Variants in GPN2 observed in about 807,000 individuals in gnomAD.
GPN2 encodes the protein GPN-loop GTPase 2, also known as ATP-binding domain 1 family member B.
A neutral mutation model predicts 30.1 loss-of-function variants in GPN2; 27 were observed. That is an observed-to-expected ratio of 0.90 (90% CI 0.66 to 1.24). The LOEUF (loss-of-function observed/expected upper bound fraction) is 1.24, where lower values mean the gene tolerates loss of function less well. GPN2 is among the 50% of genes most tolerant of loss of function. The pLI, the probability that GPN2 is intolerant of heterozygous loss-of-function variation, is 0.00. For missense variants in GPN2, 406 were observed against 405.4 expected (o/e 1.00, Z -0.01); for synonymous variants, 212 against 174.4 (o/e 1.22, Z -1.70).
chr1:26,880,604 C>T (rs2124292016), intron 4 of GPN2, among the ~76,000 whole-genome samples: 1 of 152,148 alleles, frequency 6.6e-6, no homozygotes, highest in East Asian at 1.9e-4. Context: ...AGCCACCACG[C>T]CTGGCCAAAA....
intron 4 of GPN2, among the ~76,000 whole-genome samples, chr1:26,880,623 T>C (rs2081859699): frequency 6.6e-6 from 1 of 152,046 alleles, no homozygotes; most frequent in Non-Finnish European, 1.5e-5. Context: ...AAATAAATTT[T>C]TATACTTTAA....
chr1:26,876,260 G>T lies in GPN2; in HGVS notation c.*3417C>A, dbSNP rs1233689855. The T allele has an allele frequency of 3.4e-5, 5 of 149,084 alleles. No homozygotes were observed. The highest frequency in any genetic ancestry group is 1.2e-4 in the African/African-American group (5 of 40,384). The allele number at this position is 149,084 out of a possible 1,614,324, so 9.2% of individuals were successfully genotyped here. On this transcript the variant is annotated 3_prime_UTR_variant, in exon 5 of 5. Transcript: ENST00000374135. ...GATGTACTTTCCATCTTGTTACCCA[G>T]GCTGGAGTGCAATGGCGCGATCTCC...
At chr1:26,882,929 A>T (rs2081871707) in intron 4 of GPN2, among the ~76,000 whole-genome samples, 1 of 152,184 alleles carries the variant, frequency 6.6e-6, no homozygotes, top group Admixed American at 6.6e-5. Flanking sequence ...TAAGCCAGAG[A>T]TCTGGGAAGC....
intron 2 of GPN2, among the ~76,000 whole-genome samples, chr1:26,886,678 C>T (rs995798734): frequency 6.6e-6 from 1 of 152,072 alleles, no homozygotes; most frequent in Non-Finnish European, 1.5e-5. Context: ...ATTAGCTGGG[C>T]GTGGTGGCGG....
At chr1:26,881,224 TAA>T (rs2081862791) in intron 4 of GPN2, among the ~76,000 whole-genome samples, 1 of 152,196 alleles carries the variant, frequency 6.6e-6, no homozygotes, top group East Asian at 1.9e-4. Context: ...AAAAATATCT[TAA>T]GTCGAAAATG....
In GPN2 at chr1:26,879,697, G is replaced by T; in HGVS notation, c.913C>A (p.Gln305Lys). ...TGTTGCTACAGCTGCATGGCTTCCT[G>T]CTCCACTGACTGGTTCGAGGGTGCC... ...YLAPSNQSVEQEAMQL is the reference protein window; with the variant it reads ...YLAPSNQSVEKEAMQL Residue 305 changes from glutamine (Q) to lysine (K), a missense_variant, in exon 5 of 5, where the codon CAG becomes AAG. Gln to Lys is a moderately conservative substitution (Grantham distance 53). Transcript: ENST00000374135. 6.2e-7 allele frequency: 1 copy of T among 1,613,728 alleles called. No individual in the cohort carries two copies. The highest frequency in any genetic ancestry group is 8.5e-7 in the Non-Finnish European group (1 of 1,179,686).
At position 26,879,690 on chromosome 1, in the gene GPN2, GCTTCCTGCTC is replaced by G; in HGVS notation, c.910_919del (p.Glu304ProfsTer16). On this transcript the variant is annotated frameshift_variant, in exon 5 of 5. Coordinates refer to ENST00000374135, the MANE Select transcript of GPN2 (RefSeq NM_018066.4). LOFTEE classifies it high-confidence loss of function. ...TCCACCTTGTTGCTACAGCTGCATGGCTTCCTGCTCCACTGACTGGTTCGAGGGTGCCAGG... is the reference window on the plus strand; with the variant it reads ...TCCACCTTGTTGCTACAGCTGCATGGCACTGACTGGTTCGAGGGTGCCAGG... 6.2e-7 allele frequency: 1 copy of G among 1,613,194 alleles called. No individual in the cohort carries two copies. Among genetic ancestry groups the G allele is most frequent in the Non-Finnish European group, 8.5e-7 (1 of 1,179,210 alleles).
chr1:26,882,871 T>C (rs927204844), intron 4 of GPN2, among the ~76,000 whole-genome samples: 3 of 152,118 alleles, frequency 2.0e-5, no homozygotes, highest in African/African-American at 4.8e-5. Context: ...ACAAACCTGC[T>C]CCCTCCTCCT....
In GPN2 at chr1:26,890,120, G is replaced by T; in HGVS notation, c.-24C>A. 1 of 1,487,866 alleles carries T rather than the reference G, an allele frequency of 6.7e-7. No individual in the cohort carries two copies. 92.2% of individuals were successfully genotyped at this position (1,487,866 alleles called of 1,614,324 possible). A position where few individuals can be genotyped will look rare whatever the true frequency, so the allele number is the denominator to read the frequency against. On this transcript the variant is annotated 5_prime_UTR_variant, in exon 1 of 5. Transcript: ENST00000374135. Reference sequence around the variant, plus strand: ...ATTGGCGGCCCGCGGCCCGGAGCAGGTCAACTCACAGGGAAAACGGGGCAG... The same window carrying T: ...ATTGGCGGCCCGCGGCCCGGAGCAGTTCAACTCACAGGGAAAACGGGGCAG...
Position 26,890,033 on chromosome 1 carries a change from TC to T in GPN2, c.63del (p.Lys22ArgfsTer8). 1.3e-6 allele frequency: 2 copies of T among 1,592,130 alleles called. No individual in the cohort carries two copies. Among genetic ancestry groups the T allele is most frequent in the Non-Finnish European group, 1.7e-6 (2 of 1,175,348 alleles). Reference sequence around the variant, plus strand: ...CTCATGCCCAGGCAGTACGTGGTCTTCCCTGAGCCCGGCGGGCCGATCACCG... The same window carrying T: ...CTCATGCCCAGGCAGTACGTGGTCTTCCTGAGCCCGGCGGGCCGATCACCG... ...GQAVIGPPGSGKTTYCLGMSE... is the reference protein window; with the variant it reads ...GQAVIGPPGSXKTTYCLGMSE... On this transcript the variant is annotated frameshift_variant, in exon 1 of 5. Transcript: ENST00000374135. LOFTEE classifies it high-confidence loss of function.
At position 26,889,125 on chromosome 1, in the gene GPN2, G is replaced by A; in HGVS notation, c.412C>T (p.Leu138=). 1 of 1,612,926 alleles carries A rather than the reference G, an allele frequency of 6.2e-7. No homozygotes were observed. The highest frequency in any genetic ancestry group is 8.5e-7 in the Non-Finnish European group (1 of 1,179,124). ...FSQMAQWDLR[L]TAVHLVDSHY... The stretch of plus-strand genomic sequence containing the variant: ...GAATCCACGAGGTGGACGGCAGTCA[G>A]CTGGGAGGGAATAGACAGGGTGAGA... Residue 138 remains leucine (L), a splice_region_variant and synonymous_variant, in exon 2 of 5, where the codon CTG becomes TTG. Coordinates refer to ENST00000374135, the MANE Select transcript of GPN2 (RefSeq NM_018066.4).
chr1:26,890,231 C>A lies in GPN2; in HGVS notation c.-135G>T. 1.4e-6 allele frequency: 1 copy of A among 740,018 alleles called. No individual in the cohort carries two copies. Among genetic ancestry groups the A allele is most frequent in the Non-Finnish European group, 2.1e-6 (1 of 474,748 alleles). 45.8% of individuals were successfully genotyped at this position (740,018 alleles called of 1,614,324 possible). On this transcript the variant is annotated 5_prime_UTR_variant, in exon 1 of 5. Transcript: ENST00000374135. ...CCAGCGTCACTCGCCTCAGGCGGAA[C>A]AGCTGAGACCGTGTCGCGCAAAAGG...
intron 3 of GPN2, among the ~76,000 whole-genome samples, chr1:26,884,737 T>C (rs2081882331): frequency 6.6e-6 from 1 of 152,150 alleles, no homozygotes; most frequent in South Asian, 2.1e-4. Context: ...AGCCCAGCAC[T>C]TTGGGAGGCC....
intron 4 of GPN2, among the ~76,000 whole-genome samples, chr1:26,883,351 C>T (rs2081873967): frequency 6.6e-6 from 1 of 152,198 alleles, no homozygotes; most frequent in Non-Finnish European, 1.5e-5. Flanking sequence ...TGACTAATGC[C>T]CTCTCATTTC....
At chr1:26,882,580 T>C (rs759387032) in intron 4 of GPN2, among the ~76,000 whole-genome samples, 3 of 152,160 alleles carry the variant, frequency 2.0e-5, no homozygotes, top group Non-Finnish European at 4.4e-5. Context: ...TGGCTGGAAT[T>C]ATTTTCCTCT....
intron 2 of GPN2, 164 bp from the exon 3 acceptor site, chr1:26,886,297 C>T: frequency 1.6e-6 from 1 of 617,506 alleles, no homozygotes; most frequent in Non-Finnish European, 2.9e-6. Flanking sequence ...TACCTGCTGG[C>T]TCTGCTATTT....
intron 4 of GPN2, among the ~76,000 whole-genome samples, chr1:26,880,867 C>T (rs2081861332): frequency 6.6e-6 from 1 of 152,244 alleles, no homozygotes; most frequent in Non-Finnish European, 1.5e-5. Context: ...CTTCATTAGA[C>T]TGGCTAACCC....
chr1:26,884,278 T>A lies in GPN2; in HGVS notation c.742A>T (p.Ile248Phe). 1 of 1,612,676 alleles carries A rather than the reference T, an allele frequency of 6.2e-7. No individual in the cohort carries two copies. Among genetic ancestry groups the A allele is most frequent in the Non-Finnish European group, 8.5e-7 (1 of 1,179,522 alleles). The change falls in exon 4 of 5, where the codon ATC (isoleucine) becomes TTC (phenylalanine). Residue 248 changes from isoleucine (I) to phenylalanine (F), a missense_variant. Coordinates refer to ENST00000374135, the MANE Select transcript of GPN2 (RefSeq NM_018066.4). ...IPLNIQDKES[I>F]QRVLQAVDKA... is the part of the protein sequence containing the mutation. ...TCCACAGCCTGCAGGACTCGCTGGA[T>A]GCTCTCCTTGTCCTGAGCAGGGAGG...
At chr1:26,882,292 G>T (rs928200695) in intron 4 of GPN2, among the ~76,000 whole-genome samples, 1 of 151,404 alleles carries the variant, frequency 6.6e-6, no homozygotes, top group South Asian at 2.1e-4. Flanking sequence ...GCTGAGGGAG[G>T]AGAATCACTT....
Sources: gnomAD v4.1 joint callset for allele counts (sites outside exome capture counted in the v4.1 genomes callset) on GRCh38, gnomAD v4.1.1 for gene constraint, MANE v1.5 for transcripts, NCBI Gene and HGNC (gene_info 2026-07-23, HGNC 2026-07-21) for gene names.